The following SSBP2 variants were observed in gnomAD, a reference collection of about 807,000 sequenced individuals.
SSBP2 encodes single stranded DNA binding protein 2.
A neutral mutation model predicts 61.8 loss-of-function variants in SSBP2; 17 were observed. The observed-to-expected ratio is 0.28, with a 90% CI of 0.19 to 0.41. SSBP2 has a LOEUF of 0.41. Ranked by LOEUF, SSBP2 falls within the 10% of genes least tolerant of loss-of-function variation. The pLI is 1.00. For synonymous variants in SSBP2, 139 were observed against 141.3 expected, an observed-to-expected ratio of 0.98 and a Z score of 0.12; for missense variants, 310 against 458.7, an observed-to-expected ratio of 0.68 and a Z score of 2.96.
chr5:81,701,196 C>A (rs72773085), intron 1 of SSBP2, among the ~76,000 whole-genome samples: 10,988 of 152,218 alleles, frequency 0.072, 562 homozygotes, highest in Middle Eastern at 0.14. Context: ...AATTGTAATA[C>A]TTTCATGTCT....
chr5:81,729,026 G>A (rs1243566555), intron 1 of SSBP2, among the ~76,000 whole-genome samples: 1 of 152,034 alleles, frequency 6.6e-6, no homozygotes, highest in Non-Finnish European at 1.5e-5. Flanking sequence ...AGGTAAGAGA[G>A]GTGATATGTT....
chr5:81,728,806 T>G (rs1756065486), intron 1 of SSBP2, among the ~76,000 whole-genome samples: 1 of 152,246 alleles, frequency 6.6e-6, no homozygotes, highest in African/African-American at 2.4e-5. Flanking sequence ...TTAGTGGGTA[T>G]GGCATTAAAT....
At position 81,461,059 on chromosome 5, in the gene SSBP2, T is replaced by C; in HGVS notation, c.683A>G (p.Asn228Ser). The C allele has an allele frequency of 6.4e-7, 1 of 1,561,940 alleles. No individual in the cohort carries two copies. Among genetic ancestry groups the C allele is most frequent in the Non-Finnish European group, 8.7e-7 (1 of 1,150,168 alleles). ...AAAATATATATATATACTCACTGAATTGGCATTTGTTGGGTTTGGCCAAGG... is the reference window on the plus strand; with the variant it reads ...AAAATATATATATATACTCACTGAACTGGCATTTGTTGGGTTTGGCCAAGG... The change falls in exon 10 of 17, where the codon AAT (asparagine) becomes AGT (serine). Residue 228 changes from asparagine (N) to serine (S), a missense_variant. Coordinates refer to ENST00000320672, the MANE Select transcript of SSBP2 (RefSeq NM_012446.5).
At chr5:81,558,425 A>C (rs1461486522) in intron 4 of SSBP2, among the ~76,000 whole-genome samples, 2 of 152,204 alleles carry the variant, frequency 1.3e-5, no homozygotes, top group Non-Finnish European at 2.9e-5. Context: ...TTGTATCCTC[A>C]CACGACAGAG....
At position 81,420,379 on chromosome 5, in the gene SSBP2, A is replaced by G. The variant is rs1259768350; in HGVS notation, c.*125T>C. 1 of 878,018 alleles carries G rather than the reference A, an allele frequency of 1.1e-6. No individual in the cohort carries two copies. The highest frequency in any genetic ancestry group is 1.7e-5 in the African/African-American group (1 of 59,158). 54.4% of individuals were successfully genotyped at this position (878,018 alleles called of 1,614,324 possible). A position where few individuals can be genotyped will look rare whatever the true frequency, so the allele number is the denominator to read the frequency against. On this transcript the variant is annotated 3_prime_UTR_variant, in exon 17 of 17. Coordinates refer to ENST00000320672, the MANE Select transcript of SSBP2 (RefSeq NM_012446.5). ...AAGAGGGGAGAGAGCAGGAAATAAA[A>G]AGGTTGGTTTGGTGTGACTGAGATT... is the stretch of plus-strand genomic sequence containing the variant.
chr5:81,586,409 A>C (rs1413054298), intron 4 of SSBP2, among the ~76,000 whole-genome samples: 1 of 152,186 alleles, frequency 6.6e-6, no homozygotes, highest in African/African-American at 2.4e-5. Context: ...CCTTTTAAAC[A>C]AACAATAGTA....
At chr5:81,733,748 T>C (rs1006355268) in intron 1 of SSBP2, among the ~76,000 whole-genome samples, 2 of 152,184 alleles carry the variant, frequency 1.3e-5, no homozygotes, top group African/African-American at 2.4e-5. Flanking sequence ...TAGTTCTTTC[T>C]CAGTACAGTG....
chr5:81,741,519 A>G (rs1757024651), intron 1 of SSBP2, among the ~76,000 whole-genome samples: 1 of 152,228 alleles, frequency 6.6e-6, no homozygotes, highest in African/African-American at 2.4e-5. Context: ...ATTAAAAAAG[A>G]AAAAGAATAT....
intron 1 of SSBP2, among the ~76,000 whole-genome samples, chr5:81,667,985 T>C (rs1265297882): frequency 6.6e-6 from 1 of 152,092 alleles, no homozygotes; most frequent in Non-Finnish European, 1.5e-5. Context: ...CAAAGGATAC[T>C]TGCAGTTATA....
At chr5:81,497,622 C>T (rs897707479) in intron 5 of SSBP2, among the ~76,000 whole-genome samples, 1 of 152,022 alleles carries the variant, frequency 6.6e-6, no homozygotes, top group Non-Finnish European at 1.5e-5. Context: ...AAATCCTGCT[C>T]GCTTAAATAG....
intron 1 of SSBP2, among the ~76,000 whole-genome samples, chr5:81,681,418 G>T (rs1752369428): frequency 6.6e-6 from 1 of 151,488 alleles, no homozygotes; most frequent in African/African-American, 2.4e-5. Context: ...TAGTTGGGAG[G>T]CTGAGACGGA....
At chr5:81,439,550 G>A (rs1183226864) in intron 14 of SSBP2, among the ~76,000 whole-genome samples, 5 of 148,618 alleles carry the variant, frequency 3.4e-5, no homozygotes, top group African/African-American at 1.3e-4. Flanking sequence ...CACCCAGGCT[G>A]CAGTGCAATG....
Position 81,414,372 on chromosome 5 carries a change from G to C in SSBP2, c.*6132C>G, listed in dbSNP as rs749061310. ...TATTCAAGAAAACCAATTATACTAA[G>C]TTAACAGGGAAAATTTAACAGAGGA... On this transcript the variant is annotated 3_prime_UTR_variant, in exon 17 of 17. Transcript: ENST00000320672. The C allele has an allele frequency of 3.3e-5, 5 of 152,042 alleles. No individual in the cohort carries two copies. The highest frequency in any genetic ancestry group is 7.4e-5 in the Non-Finnish European group (5 of 68,000). 9.4% of individuals were successfully genotyped at this position (152,042 alleles called of 1,614,324 possible).
chr5:81,528,686 CA>C (rs1316415836), intron 4 of SSBP2, among the ~76,000 whole-genome samples: 1 of 151,876 alleles, frequency 6.6e-6, no homozygotes, highest in Non-Finnish European at 1.5e-5. Flanking sequence ...ATTGTGAAAC[CA>C]CTACTGATGA....
intron 1 of SSBP2, among the ~76,000 whole-genome samples, chr5:81,661,611 AT>A (rs1240147562): frequency 6.6e-6 from 1 of 151,676 alleles, no homozygotes; most frequent in Non-Finnish European, 1.5e-5. Context: ...GACACTGAGC[AT>A]TTTTTCATAT....
chr5:81,687,600 C>T (rs1371233890), intron 1 of SSBP2, among the ~76,000 whole-genome samples: 2 of 152,148 alleles, frequency 1.3e-5, no homozygotes, highest in Admixed American at 1.3e-4. Context: ...TCCTTCCTTC[C>T]ACTTGAGGAG....
intron 10 of SSBP2, among the ~76,000 whole-genome samples, chr5:81,450,318 G>T (rs962962130): frequency 7.2e-5 from 11 of 151,988 alleles, no homozygotes; most frequent in Admixed American, 2.6e-4. Context: ...TGCTGTGCTG[G>T]GCCTACTTCT....
chr5:81,475,052 A>T (rs950814460), intron 6 of SSBP2, among the ~76,000 whole-genome samples: 2 of 152,184 alleles, frequency 1.3e-5, no homozygotes, highest in African/African-American at 2.4e-5. Flanking sequence ...AACACTTAAA[A>T]TAAAAATAAA....
At chr5:81,745,335 TAG>T (rs1289181329) in intron 1 of SSBP2, among the ~76,000 whole-genome samples, 1 of 152,142 alleles carries the variant, frequency 6.6e-6, no homozygotes, top group Non-Finnish European at 1.5e-5. Context: ...CAAGTTATGC[TAG>T]GTTATATACA....
Sources: gnomAD v4.1 joint callset for allele counts (sites outside exome capture counted in the v4.1 genomes callset) on GRCh38, gnomAD v4.1.1 for gene constraint, MANE v1.5 for transcripts, NCBI Gene and HGNC (gene_info 2026-07-23, HGNC 2026-07-21) for gene names.